The following ASXL3 variants were observed in gnomAD, a reference collection of about 807,000 sequenced individuals.
ASXL3 encodes ASXL transcriptional regulator 3.
In ASXL3, 34 loss-of-function variants were observed where a neutral mutation model predicts 170.6. That is an observed-to-expected ratio of 0.20 (90% CI 0.15 to 0.27). ASXL3 has a LOEUF of 0.27. Ranked by LOEUF, ASXL3 falls within the 10% of genes least tolerant of loss-of-function variation. The pLI is 1.00. For missense variants in ASXL3, 2,592 were observed against 2,695.3 expected (o/e 0.96, Z 0.85); for synonymous variants, 1,002 against 989.1 (o/e 1.01, Z -0.24).
chr18:33,746,994 A>G lies in ASXL3; in HGVS notation c.*399A>G, dbSNP rs2067806363. On this transcript the variant is annotated 3_prime_UTR_variant, in exon 12 of 12. Coordinates refer to ENST00000269197, the MANE Select transcript of ASXL3 (RefSeq NM_030632.3). ...AGTTAAAGTGGTTATGCATTTTTCTATAGATGAGCCATTACAGCAAGGAAT... is the reference window on the plus strand; with the variant it reads ...AGTTAAAGTGGTTATGCATTTTTCTGTAGATGAGCCATTACAGCAAGGAAT... 2 of 160,898 alleles carry G rather than the reference A, an allele frequency of 1.2e-5. No individual in the cohort carries two copies. The highest frequency in any genetic ancestry group is 6.4e-5 in the Admixed American group (1 of 15,670). The allele number at this position is 160,898 out of a possible 1,614,324, so 10.0% of individuals were successfully genotyped here. A position where few individuals can be genotyped will look rare whatever the true frequency, so the allele number is the denominator to read the frequency against.
At chr18:33,676,097 A>G (rs879791093) in intron 7 of ASXL3, among the ~76,000 whole-genome samples, 5 of 151,298 alleles carry the variant, frequency 3.3e-5, no homozygotes, top group South Asian at 2.1e-4. Flanking sequence ...GGTGGCAGGC[A>G]CCTGTAGTCC....
intron 10 of ASXL3, among the ~76,000 whole-genome samples, chr18:33,736,605 ATCTG>A (rs1281413147): frequency 2.6e-5 from 4 of 151,982 alleles, no homozygotes; most frequent in African/African-American, 9.7e-5. Flanking sequence ...TGCAGTTAAG[ATCTG>A]TCTGATTTAG....
chr18:33,612,620 T>G (rs1209485586), intron 2 of ASXL3, among the ~76,000 whole-genome samples: 2 of 152,098 alleles, frequency 1.3e-5, no homozygotes, highest in African/African-American at 4.8e-5. Context: ...ATCTCCACTT[T>G]GTACTGTGGT....
rs749781839 is a variant in ASXL3, at chr18:33,743,683, A to G, written c.3835A>G (p.Ile1279Val). The change falls in exon 12 of 12, where the codon ATA becomes GTA. Residue 1279 changes from isoleucine (I) to valine (V), a missense_variant. By Grantham distance (29) the Ile-to-Val change is conservative (BLOSUM62 3). Around this residue, in one of 4 missense-constraint regions of ASXL3, gnomAD observed 2,246 missense variants for 2,219.6 expected, o/e 1.01. Transcript: ENST00000269197. ...SANTTISACN[I>V]SMLKTIQGTD... ...AAACACTACAATTTCTGCTTGTAAT[A>G]TAAGCATGTTAAAAACCATCCAGGG... 20 of 1,613,820 alleles carry G rather than the reference A, an allele frequency of 1.2e-5. No homozygotes were observed. The highest frequency in any genetic ancestry group is 9.3e-6 in the Non-Finnish European group (11 of 1,179,898).
intron 8 of ASXL3, among the ~76,000 whole-genome samples, chr18:33,714,629 T>G (rs1458132626): frequency 1.3e-5 from 2 of 152,066 alleles, no homozygotes; most frequent in Admixed American, 6.5e-5. Flanking sequence ...CCCTTTTCAT[T>G]CTGTCCACGT....
intron 2 of ASXL3, 56 bp downstream of exon 2, chr18:33,607,732 G>A (rs149720260): frequency 1.2e-5 from 16 of 1,317,084 alleles, no homozygotes; most frequent in Admixed American, 2.1e-5. Flanking sequence ...ATTGCCACTC[G>A]TTGCTAAGCG....
rs748977459 is a variant in ASXL3, at chr18:33,673,992, A to G, written c.715+2126A>G. Among the ~76,000 whole-genome samples, 39 of 152,332 alleles carry G rather than the reference A, an allele frequency of 2.6e-4. 1 individual carries two copies. The highest frequency in any genetic ancestry group is 8.3e-4 in the South Asian group (4 of 4,828). On this transcript the variant is annotated intron_variant, in intron 7 of 11. Coordinates refer to ENST00000269197, the MANE Select transcript of ASXL3 (RefSeq NM_030632.3). ...AAGTGAAGTCACATTCACTGGCCAT[A>G]TATAATGGAATGGTCTAGGTATTTT...
intron 2 of ASXL3, among the ~76,000 whole-genome samples, chr18:33,615,041 G>A (rs1289490306): frequency 6.6e-6 from 1 of 152,084 alleles, no homozygotes; most frequent in African/African-American, 2.4e-5. Context: ...AAACGGGAGA[G>A]TGAACCTGTT....
chr18:33,593,973 A>G (rs1238235834), intron 1 of ASXL3, among the ~76,000 whole-genome samples: 1 of 152,192 alleles, frequency 6.6e-6, no homozygotes, highest in Non-Finnish European at 1.5e-5. Context: ...GAACACCTAC[A>G]GATTATCCAG....
chr18:33,619,161 T>C (rs1599403758), intron 2 of ASXL3, among the ~76,000 whole-genome samples: 1 of 152,238 alleles, frequency 6.6e-6, no homozygotes, highest in South Asian at 2.1e-4. Flanking sequence ...AAAAAGTTCA[T>C]CAAGCTAGAA....
In ASXL3 at chr18:33,739,509, C is replaced by T. The variant is rs1043062787; in HGVS notation, c.2105C>T (p.Ser702Phe). The part of the protein sequence containing the change: ...ASLMSNLPLT[S>F]EASPVSNLPL... ...CTTATGTCCAACTTACCATTAACAT[C>T]TGAAGCATCACCAGTATCCAACTTA... Residue 702 changes from serine (S) to phenylalanine (F), a missense_variant, in exon 11 of 12, where the codon TCT (serine) becomes TTT (phenylalanine). By Grantham distance (155) the Ser-to-Phe change is radical. Transcript: ENST00000269197. The T allele has an allele frequency of 8.7e-6, 14 of 1,613,930 alleles. No homozygotes were observed. The highest frequency in any genetic ancestry group is 1.1e-5 in the Non-Finnish European group (13 of 1,179,830).
intron 8 of ASXL3, among the ~76,000 whole-genome samples, chr18:33,717,749 G>A (rs1461252929): frequency 6.6e-6 from 1 of 151,976 alleles, no homozygotes; most frequent in Non-Finnish European, 1.5e-5. Flanking sequence ...TTTTGGTTTG[G>A]TTTAGTTTTT....
chr18:33,639,542 T>C (rs1330629140), intron 2 of ASXL3, among the ~76,000 whole-genome samples: 2 of 152,184 alleles, frequency 1.3e-5, no homozygotes, highest in East Asian at 3.9e-4. Flanking sequence ...TGAGGGTCTT[T>C]GAAAATTATG....
chr18:33,676,524 G>A (rs1284000766), intron 7 of ASXL3, among the ~76,000 whole-genome samples: 2 of 152,074 alleles, frequency 1.3e-5, no homozygotes, highest in African/African-American at 2.4e-5. Context: ...ACAAAACTTT[G>A]GTGGTCCCTT....
chr18:33,646,144 C>A, intron 3 of ASXL3, 101 bp from the exon 4 acceptor site: 2 of 763,506 alleles, frequency 2.6e-6, no homozygotes, highest in African/African-American at 1.8e-5. Context: ...AATGTTAAGT[C>A]ACAAATAACT....
At chr18:33,636,813 T>A (rs886514310) in intron 2 of ASXL3, among the ~76,000 whole-genome samples, 18 of 152,196 alleles carry the variant, frequency 1.2e-4, no homozygotes, top group African/African-American at 2.6e-4. Context: ...TTTAAAAAAA[T>A]TTTGAATATT....
chr18:33,603,962 C>T (rs2065215601), intron 1 of ASXL3, among the ~76,000 whole-genome samples: 1 of 152,046 alleles, frequency 6.6e-6, no homozygotes, highest in Non-Finnish European at 1.5e-5. Flanking sequence ...CCTGGCAGTG[C>T]TAGTTCCAAT....
chr18:33,604,750 T>C (rs930880144), intron 1 of ASXL3, among the ~76,000 whole-genome samples: 2 of 152,012 alleles, frequency 1.3e-5, no homozygotes, highest in Admixed American at 1.3e-4. Context: ...TTGTGTGTTT[T>C]ATATATTGGG....
At chr18:33,732,206 G>A (rs2067461434) in intron 9 of ASXL3, 142 bp downstream of exon 9, 3 of 478,570 alleles carry the variant, frequency 6.3e-6, no homozygotes, top group South Asian at 6.5e-5. Context: ...TTCCAAATGA[G>A]TTCACTGATT....
Sources: allele counts gnomAD v4.1 joint callset (sites outside exome capture counted in the v4.1 genomes callset), GRCh38; gene constraint gnomAD v4.1.1; regional missense constraint gnomAD v4.1.1; transcripts MANE v1.5; gene names NCBI Gene and HGNC (gene_info 2026-07-23, HGNC 2026-07-21).